The following KCNE3 variants were observed in gnomAD, a reference collection of about 807,000 sequenced individuals.
KCNE3 encodes potassium voltage-gated channel subfamily E member 3.
A neutral mutation model predicts 4.3 loss-of-function variants in KCNE3; 2 were observed. The ratio of observed to expected loss-of-function variants is 0.47; its 90% CI spans 0.19 to 1.48. The LOEUF (loss-of-function observed/expected upper bound fraction) is 1.48. Among genes scored for constraint, KCNE3 ranks in the 40% most tolerant of loss-of-function variants. KCNE3 has a pLI of 0.25. For missense variants in KCNE3, 128 were observed against 136.8 expected (o/e 0.94, Z 0.32); for synonymous variants, 47 against 52.0 (o/e 0.90, Z 0.41).
At chr11:74,458,002 T>C (rs891659466) in intron 2 of KCNE3, among the ~76,000 whole-genome samples, 1 of 152,220 alleles carries the variant, frequency 6.6e-6, no homozygotes, top group Non-Finnish European at 1.5e-5. Flanking sequence ...AAACTTCTTT[T>C]TCTTTATAAA....
intron 1 of KCNE3, among the ~76,000 whole-genome samples, chr11:74,465,280 C>T (rs866554334): frequency 2.0e-5 from 3 of 152,122 alleles, no homozygotes; most frequent in Non-Finnish European, 2.9e-5. Flanking sequence ...AGCATTCCCC[C>T]GCTCTGGCAC....
chr11:74,457,379 A>G lies in KCNE3; in HGVS notation c.185T>C (p.Leu62Pro). 2 of 1,614,190 alleles carry G rather than the reference A, an allele frequency of 1.2e-6. No individual in the cohort carries two copies. The highest frequency in any genetic ancestry group is 2.2e-5 in the South Asian group (2 of 91,084). The change falls in exon 3 of 3, where the codon CTC becomes CCC. Residue 62 changes from leucine to proline, a missense_variant. Physicochemically the swap from Leu to Pro is moderately conservative, Grantham distance 98 (BLOSUM62 -3). Transcript: ENST00000310128. Reference sequence around the variant, plus strand: ...TACAGCAAATAGAAACATGACAAAGAGAATGTACATGTAGGAGTTGTCATC... The same window carrying G: ...TACAGCAAATAGAAACATGACAAAGGGAATGTACATGTAGGAGTTGTCATC... ...GRDDNSYMYI[L>P]FVMFLFAVTV...
At position 74,457,285 on chromosome 11, in the gene KCNE3, A is replaced by G. The variant is rs199972628; in HGVS notation, c.279T>C (p.His93=). Residue 93 remains histidine, a synonymous_variant, in exon 3 of 3, where the codon CAT becomes CAC. Transcript: ENST00000310128. ...RKVDKRSDPY[H]VYIKNRVSMI ...TAGACACACGGTTCTTGATATACAC[A>G]TGATAGGGGTCACTACGCTTGTCCA... 35 of 1,613,930 alleles carry G rather than the reference A, an allele frequency of 2.2e-5. No individual in the cohort carries two copies. The highest frequency in any genetic ancestry group is 1.6e-4 in the Middle Eastern group (1 of 6,062).
chr11:74,457,234 C>G lies in KCNE3; in HGVS notation c.*18G>C, dbSNP rs557750053. On this transcript the variant is annotated 3_prime_UTR_variant, in exon 3 of 3. Transcript: ENST00000310128. ...ATCCCCAGGTGTCTTGGTCTTCCAC[C>G]GTCCCAGCCCTCTCGTGTTAGATCA... is the stretch of plus-strand genomic sequence containing the variant. 6.2e-7 allele frequency: 1 copy of G among 1,611,148 alleles called. No homozygotes were observed. The highest frequency in any genetic ancestry group is 2.2e-5 in the East Asian group (1 of 44,830).
intron 2 of KCNE3, among the ~76,000 whole-genome samples, chr11:74,460,952 A>G (rs11236116): frequency 0.096 from 14,617 of 152,194 alleles, 812 homozygotes; most frequent in Middle Eastern, 0.13. Flanking sequence ...ATAACAAAGT[A>G]GGGAAGTGGG....
At chr11:74,458,591 G>A (rs567114088) in intron 2 of KCNE3, among the ~76,000 whole-genome samples, 1 of 152,352 alleles carries the variant, frequency 6.6e-6, no homozygotes, top group African/African-American at 2.4e-5. Context: ...CCAGCACTTT[G>A]GGAGGCTGAG....
chr11:74,465,578 T>A (rs1488022649), intron 1 of KCNE3, among the ~76,000 whole-genome samples: 1 of 152,036 alleles, frequency 6.6e-6, no homozygotes, highest in African/African-American at 2.4e-5. Context: ...TGTGGCCACA[T>A]ACACCCACCC....
At chr11:74,461,495 C>T (rs1863953064) in intron 2 of KCNE3, among the ~76,000 whole-genome samples, 1 of 151,774 alleles carries the variant, frequency 6.6e-6, no homozygotes, top group African/African-American at 2.4e-5. Flanking sequence ...GCCGGGTACA[C>T]GCCTGTATTC....
rs1863830756 is a variant in KCNE3 at position 74,456,962 on chromosome 11, C to T, written c.*290G>A. 2.2e-6 allele frequency: 1 copy of T among 460,290 alleles called. No individual in the cohort carries two copies. The highest frequency in any genetic ancestry group is 4.0e-6 in the Non-Finnish European group (1 of 251,284). 28.5% of individuals were successfully genotyped at this position (460,290 alleles called of 1,614,324 possible). ...CTCCAATCCCCAGGCCCCTAATACT[C>T]CAGCCACTGAACCAGTTATTGGTCA... On this transcript the variant is annotated 3_prime_UTR_variant, in exon 3 of 3. Coordinates refer to ENST00000310128, the MANE Select transcript of KCNE3 (RefSeq NM_005472.5).
chr11:74,459,343 G>C (rs1591225502), intron 2 of KCNE3, among the ~76,000 whole-genome samples: 2 of 140,152 alleles, frequency 1.4e-5, no homozygotes, highest in Non-Finnish European at 3.0e-5. Flanking sequence ...CTCACTGCAA[G>C]TTCCGCCTCC....
intron 1 of KCNE3, among the ~76,000 whole-genome samples, chr11:74,463,706 G>A (rs41312357): frequency 7.2e-5 from 11 of 152,128 alleles, no homozygotes; most frequent in Admixed American, 6.5e-5. Flanking sequence ...CCTCCATTTC[G>A]TAGATGAGGA....
chr11:74,461,240 A>ACACTACTGAGTGT (rs1863945331), intron 2 of KCNE3, among the ~76,000 whole-genome samples: 1 of 152,136 alleles, frequency 6.6e-6, no homozygotes, highest in African/African-American at 2.4e-5. Context: ...GAATCTAGTT[A>ACACTACTGAGTGT]ACACTACTGA....
At position 74,456,155 on chromosome 11, in the gene KCNE3, A is replaced by AATATATATATATATATATAC. The variant is rs1863806730; in HGVS notation, c.*1096_*1097insGTATATATATATATATATAT. On this transcript the variant is annotated 3_prime_UTR_variant, in exon 3 of 3. Coordinates refer to ENST00000310128, the MANE Select transcript of KCNE3 (RefSeq NM_005472.5). Reference sequence around the variant, plus strand: ...ACATGTGAAACCCTGTCTCTACTTAAATATATATATATATATATATATATA... The same window carrying AATATATATATATATATATAC: ...ACATGTGAAACCCTGTCTCTACTTAAATATATATATATATATATACATATATATATATATATATATATATA... 8.8e-6 allele frequency: 1 copy of AATATATATATATATATATAC among 113,096 alleles called. No individual in the cohort carries two copies. Among genetic ancestry groups the AATATATATATATATATATAC allele is most frequent in the Non-Finnish European group, 1.9e-5 (1 of 52,314 alleles). The allele number at this position is 113,096 out of a possible 1,614,324, so 7.0% of individuals were successfully genotyped here.
In KCNE3 at chr11:74,455,724, G is replaced by A. The variant is rs1243335793; in HGVS notation, c.*1528C>T. The A allele has an allele frequency of 1.6e-5, 2 of 125,516 alleles. No individual in the cohort carries two copies. Among genetic ancestry groups the A allele is most frequent in the African/African-American group, 8.7e-5 (2 of 22,970 alleles). The allele number at this position is 125,516 out of a possible 1,614,324, so 7.8% of individuals were successfully genotyped here. On this transcript the variant is annotated 3_prime_UTR_variant, in exon 3 of 3. Coordinates refer to ENST00000310128, the MANE Select transcript of KCNE3 (RefSeq NM_005472.5). ...TTTAGGTGCGATATCAGTCTTTTTT[G>A]TTTTTGTTTTTGTTTTTTTTTGAGA...
At position 74,457,369 on chromosome 11, in the gene KCNE3, C is replaced by T. The variant is rs778413540; in HGVS notation, c.195G>A (p.Met65Ile). ...DNSYMYILFV[M>I]FLFAVTVGSL... ...TGCCCACAGTTACAGCAAATAGAAACATGACAAAGAGAATGTACATGTAGG... is the reference window on the plus strand; with the variant it reads ...TGCCCACAGTTACAGCAAATAGAAATATGACAAAGAGAATGTACATGTAGG... Residue 65 changes from methionine to isoleucine, a missense_variant, in exon 3 of 3, where the codon ATG (methionine) becomes ATA (isoleucine). Met to Ile is a conservative substitution (Grantham distance 10, BLOSUM62 1). Transcript: ENST00000310128. 8 of 1,614,080 alleles carry T rather than the reference C, an allele frequency of 5.0e-6. No homozygotes were observed. In the African/African-American group the frequency reaches 8.0e-5, roughly 16 times the overall value.
Position 74,456,020 on chromosome 11 carries a change from A to T in KCNE3, c.*1232T>A, listed in dbSNP as rs1158812629. The T allele has an allele frequency of 6.6e-6, 1 of 151,584 alleles. No homozygotes were observed. The highest frequency in any genetic ancestry group is 1.5e-5 in the Non-Finnish European group (1 of 67,880). The allele number at this position is 151,584 out of a possible 1,614,324, so 9.4% of individuals were successfully genotyped here. A position where few individuals can be genotyped will look rare whatever the true frequency, so the allele number is the denominator to read the frequency against. ...TTAGAAGCAGATTCAACATGACATC[A>T]GAAAACTTCTCTCAGATAGTCGTGG... On this transcript the variant is annotated 3_prime_UTR_variant, in exon 3 of 3. Transcript: ENST00000310128.
intron 1 of KCNE3, among the ~76,000 whole-genome samples, chr11:74,465,498 G>A (rs1305563356): frequency 6.6e-6 from 1 of 151,986 alleles, no homozygotes; most frequent in Non-Finnish European, 1.5e-5. Flanking sequence ...CAATCCAAAG[G>A]GCAAACATTC....
At chr11:74,463,385 C>T (rs545446028) in intron 1 of KCNE3, among the ~76,000 whole-genome samples, 22 of 152,180 alleles carry the variant, frequency 1.4e-4, no homozygotes, top group African/African-American at 4.6e-4. Context: ...CTCCTGTCTG[C>T]GTTAGGAGAG....
intron 1 of KCNE3, among the ~76,000 whole-genome samples, chr11:74,465,374 G>A (rs989540861): frequency 6.6e-6 from 1 of 152,160 alleles, no homozygotes. Flanking sequence ...TTTGGTCTGG[G>A]GAAGGGATGG....
Sources: allele counts gnomAD v4.1 joint callset (sites outside exome capture counted in the v4.1 genomes callset), GRCh38; gene constraint gnomAD v4.1.1; transcripts MANE v1.5; gene names NCBI Gene and HGNC (gene_info 2026-07-23, HGNC 2026-07-21).